TMEM178B: variants seen among roughly 807,000 people sequenced by gnomAD.
The protein encoded by TMEM178B is transmembrane protein 178B.
A neutral mutation model predicts 31.0 loss-of-function variants in TMEM178B; 5 were observed. That is an observed-to-expected ratio of 0.16 (90% CI 0.08 to 0.34). The LOEUF (loss-of-function observed/expected upper bound fraction) is 0.34. Ranked by LOEUF, TMEM178B falls within the 10% of genes least tolerant of loss-of-function variation. TMEM178B has a pLI of 1.00. For synonymous variants in TMEM178B, 164 were observed against 164.0 expected, an observed-to-expected ratio of 1.00 and a Z score of 0.00; for missense variants, 275 against 400.3, an observed-to-expected ratio of 0.69 and a Z score of 2.67.
At chr7:141,429,073 T>A (rs982921345) in intron 2 of TMEM178B, among the ~76,000 whole-genome samples, 1 of 152,080 alleles carries the variant, frequency 6.6e-6, no homozygotes, top group Non-Finnish European at 1.5e-5. Context: ...TTGGTGGGAA[T>A]GAAATTAGTA....
intron 3 of TMEM178B, among the ~76,000 whole-genome samples, chr7:141,455,191 G>A (rs1006645409): frequency 1.3e-4 from 20 of 152,056 alleles, no homozygotes; most frequent in African/African-American, 7.2e-5. Context: ...TAGAAAACTC[G>A]TGTCCCTTCA....
chr7:141,181,873 A>G (rs770846459), intron 1 of TMEM178B, among the ~76,000 whole-genome samples: 1 of 152,210 alleles, frequency 6.6e-6, no homozygotes, highest in Non-Finnish European at 1.5e-5. Context: ...TGGCTGCCCA[A>G]CTAGGAGGCT....
chr7:141,332,502 T>C (rs571700585), intron 2 of TMEM178B, among the ~76,000 whole-genome samples: 1 of 152,358 alleles, frequency 6.6e-6, no homozygotes, highest in Non-Finnish European at 1.5e-5. Context: ...TTTACTTTTT[T>C]TTCCTCTGTA....
At chr7:141,426,141 A>G (rs1352345340) in intron 2 of TMEM178B, among the ~76,000 whole-genome samples, 6 of 152,232 alleles carry the variant, frequency 3.9e-5, no homozygotes, top group African/African-American at 1.4e-4. Flanking sequence ...ATTGACTTTA[A>G]GTTGCAAATA....
At chr7:141,162,595 G>T (rs1796193166) in intron 1 of TMEM178B, among the ~76,000 whole-genome samples, 1 of 152,186 alleles carries the variant, frequency 6.6e-6, no homozygotes, top group Non-Finnish European at 1.5e-5. Context: ...TCTTACCAAT[G>T]CATAGTTAGG....
intron 1 of TMEM178B, among the ~76,000 whole-genome samples, chr7:141,203,488 T>C (rs1023415083): frequency 6.6e-6 from 1 of 152,222 alleles, no homozygotes; most frequent in African/African-American, 2.4e-5. Flanking sequence ...CGATGTCCCT[T>C]CCTCCCTTTC....
intron 2 of TMEM178B, among the ~76,000 whole-genome samples, chr7:141,267,432 A>G (rs1178279075): frequency 6.6e-6 from 1 of 152,214 alleles, no homozygotes; most frequent in African/African-American, 2.4e-5. Flanking sequence ...AGGCCTTGGT[A>G]ACGGAGAAGA....
At chr7:141,189,911 G>A (rs1262575478) in intron 1 of TMEM178B, among the ~76,000 whole-genome samples, 2 of 152,182 alleles carry the variant, frequency 1.3e-5, no homozygotes, top group African/African-American at 2.4e-5. Flanking sequence ...CTCAGAGTCT[G>A]AGGTTCAGAG....
intron 2 of TMEM178B, among the ~76,000 whole-genome samples, chr7:141,338,851 A>G (rs1799469175): frequency 6.6e-6 from 1 of 152,206 alleles, no homozygotes; most frequent in South Asian, 2.1e-4. Flanking sequence ...ATTATTTTAT[A>G]TTTTAGAAAA....
At chr7:141,242,613 C>G (rs1057249117) in intron 2 of TMEM178B, among the ~76,000 whole-genome samples, 15 of 147,926 alleles carry the variant, frequency 1.0e-4, no homozygotes, top group African/African-American at 3.5e-4. Flanking sequence ...ATGATCCTGG[C>G]TCACTGCAGC....
intron 3 of TMEM178B, among the ~76,000 whole-genome samples, chr7:141,452,538 CATTT>C (rs1288468493): frequency 3.3e-5 from 5 of 152,156 alleles, no homozygotes; most frequent in South Asian, 2.1e-4. Context: ...GCAGCTCATT[CATTT>C]GTTTCCATTC....
the TMEM178B span, among the ~76,000 whole-genome samples, chr7:141,510,690 A>AAAAAAAAAAAAAG: frequency 7.3e-6 from 1 of 136,070 alleles, no homozygotes; most frequent in African/African-American, 3.1e-5. Context: ...CGTCTCAAAA[A>AAAAAAAAAAAAAG]AAAAAAAAAA....
chr7:141,255,491 A>G (rs1276552519), intron 2 of TMEM178B, among the ~76,000 whole-genome samples: 2 of 152,246 alleles, frequency 1.3e-5, no homozygotes. Context: ...ATCACTAGTA[A>G]GGAAATTGCC....
intron 2 of TMEM178B, among the ~76,000 whole-genome samples, chr7:141,370,023 C>T (rs1563164110): frequency 6.6e-6 from 1 of 152,074 alleles, no homozygotes; most frequent in Non-Finnish European, 1.5e-5. Context: ...ACAATGGGTT[C>T]CATGTAGGTT....
At chr7:141,154,031 G>GAA (rs1796024940) in intron 1 of TMEM178B, among the ~76,000 whole-genome samples, 1 of 152,138 alleles carries the variant, frequency 6.6e-6, no homozygotes, top group Non-Finnish European at 1.5e-5. Context: ...GTGCTGTTCT[G>GAA]TACCTGACAC....
intron 2 of TMEM178B, among the ~76,000 whole-genome samples, chr7:141,296,297 A>G (rs933374541): frequency 3.3e-5 from 5 of 152,080 alleles, no homozygotes; most frequent in African/African-American, 7.2e-5. Context: ...CAAACTCCCA[A>G]CCTCAAGTGA....
At chr7:141,342,814 C>T (rs1048574809) in intron 2 of TMEM178B, among the ~76,000 whole-genome samples, 12 of 152,218 alleles carry the variant, frequency 7.9e-5, no homozygotes, top group African/African-American at 2.9e-4. Context: ...CAGTTTCTCT[C>T]AGCTTGATTG....
At chr7:141,312,983 A>G (rs1440999445) in intron 2 of TMEM178B, among the ~76,000 whole-genome samples, 1 of 152,230 alleles carries the variant, frequency 6.6e-6, no homozygotes, top group Non-Finnish European at 1.5e-5. Flanking sequence ...GAGGGAGAAG[A>G]TAAAGAATGC....
At chr7:141,164,399 A>G (rs556251740) in intron 1 of TMEM178B, among the ~76,000 whole-genome samples, 5 of 152,290 alleles carry the variant, frequency 3.3e-5, no homozygotes, top group South Asian at 2.1e-4. Flanking sequence ...TAATGCTGCA[A>G]TGCTGGTTTT....
Sources: gnomAD v4.1 joint callset for allele counts (sites outside exome capture counted in the v4.1 genomes callset) on GRCh38, gnomAD v4.1.1 for gene constraint, MANE v1.5 for transcripts, NCBI Gene and HGNC (gene_info 2026-07-23, HGNC 2026-07-21) for gene names.